The following AATF variants were observed in gnomAD, a reference collection of about 807,000 sequenced individuals.
AATF encodes apoptosis antagonizing transcription factor, also known as protein AATF.
In AATF, 48 loss-of-function variants were observed where a neutral mutation model predicts 63.7. The ratio of observed to expected loss-of-function variants is 0.75; its 90% CI spans 0.60 to 0.96. The LOEUF (loss-of-function observed/expected upper bound fraction) is 0.96, where lower values mean the gene tolerates loss of function less well. Ranked by LOEUF, AATF falls within the 40% of genes least tolerant of loss-of-function variation. AATF has a pLI of 0.00. For synonymous variants in AATF, 258 were observed against 247.7 expected, an observed-to-expected ratio of 1.04 and a Z score of -0.39; for missense variants, 639 against 685.7, an observed-to-expected ratio of 0.93 and a Z score of 0.76.
intron 4 of AATF, among the ~76,000 whole-genome samples, chr17:36,962,273 T>C (rs1402877732): frequency 6.6e-6 from 1 of 152,252 alleles, no homozygotes; most frequent in African/African-American, 2.4e-5. Flanking sequence ...CCTTTTGAGC[T>C]ACTACTTTGT....
intron 11 of AATF, among the ~76,000 whole-genome samples, chr17:37,042,279 C>T (rs917904396): frequency 8.6e-5 from 13 of 151,818 alleles, no homozygotes; most frequent in Admixed American, 6.6e-5. Flanking sequence ...CAATTATTCA[C>T]CTATATTTTA....
chr17:36,973,102 C>T (rs1022614989), intron 4 of AATF, among the ~76,000 whole-genome samples: 1 of 150,272 alleles, frequency 6.7e-6, no homozygotes, highest in South Asian at 2.1e-4. Flanking sequence ...GCAGTTAATC[C>T]TGCTTTTTCT....
chr17:37,038,609 T>C (rs1017411151), intron 11 of AATF, among the ~76,000 whole-genome samples: 7 of 152,210 alleles, frequency 4.6e-5, no homozygotes, highest in African/African-American at 1.7e-4. Context: ...TGAATTTTTC[T>C]AAATAGATTT....
At chr17:36,977,042 A>G (rs2071085074) in intron 4 of AATF, among the ~76,000 whole-genome samples, 1 of 152,236 alleles carries the variant, frequency 6.6e-6, no homozygotes, top group Non-Finnish European at 1.5e-5. Flanking sequence ...CTTGCTTAAC[A>G]AAAGGTCAGT....
intron 4 of AATF, among the ~76,000 whole-genome samples, chr17:36,973,549 T>C (rs557223206): frequency 6.6e-6 from 1 of 152,338 alleles, no homozygotes; most frequent in South Asian, 2.1e-4. Flanking sequence ...GAATTTGTTA[T>C]AGAACAGAAG....
intron 4 of AATF, among the ~76,000 whole-genome samples, chr17:36,979,684 T>C (rs1384022694): frequency 6.6e-6 from 1 of 152,204 alleles, no homozygotes; most frequent in Non-Finnish European, 1.5e-5. Flanking sequence ...TAAAAACTGA[T>C]AAGCTTTATT....
chr17:36,962,427 A>G (rs1249240465), intron 4 of AATF, among the ~76,000 whole-genome samples: 1 of 152,194 alleles, frequency 6.6e-6, no homozygotes, highest in East Asian at 1.9e-4. Context: ...CTAAGAGTAT[A>G]AGCCCTAAAT....
chr17:37,028,160 C>A (rs1403606997), intron 10 of AATF, among the ~76,000 whole-genome samples: 1 of 152,044 alleles, frequency 6.6e-6, no homozygotes, highest in Non-Finnish European at 1.5e-5. Context: ...GCTTGTAATT[C>A]CAGCACTTTG....
At chr17:37,043,204 T>G (rs1279518100) in intron 11 of AATF, 1 of 152,312 alleles carries the variant, frequency 6.6e-6, no homozygotes, top group Non-Finnish European at 1.5e-5. Context: ...AGCCTGCCAG[T>G]CAAGGCCATC....
At chr17:36,980,188 C>T (rs546203294) in intron 4 of AATF, 4 of 152,260 alleles carry the variant, frequency 2.6e-5, no homozygotes, top group African/African-American at 9.6e-5. Flanking sequence ...TTGGTCCATT[C>T]AGCATAACAT....
intron 11 of AATF, among the ~76,000 whole-genome samples, chr17:37,046,497 G>A (rs963746957): frequency 6.6e-6 from 1 of 152,268 alleles, no homozygotes; most frequent in Non-Finnish European, 1.5e-5. Flanking sequence ...CGGTTCCTCT[G>A]TGTCCCCTGA....
chr17:37,031,365 G>C (rs1300567567), intron 10 of AATF: 5 of 534,722 alleles, frequency 9.4e-6, no homozygotes, highest in Non-Finnish European at 1.7e-5. Flanking sequence ...TTTTATATAA[G>C]GAACTTGAGC....
chr17:37,031,666 A>G lies in AATF; in HGVS notation c.1600A>G (p.Thr534Ala), dbSNP rs372937668. 11 of 1,614,084 alleles carry G rather than the reference A, an allele frequency of 6.8e-6. No homozygotes were observed. In the African/African-American group the frequency reaches 1.5e-4, roughly 22 times the overall value. ...TTTCATGGCACCTATTGACCATACTACAATGAATGATGATGCCAGGTGAGT... is the reference window on the plus strand; with the variant it reads ...TTTCATGGCACCTATTGACCATACTGCAATGAATGATGATGCCAGGTGAGT... Reference protein sequence around the residue: ...LSFMAPIDHTTMNDDARTELY... With the variant: ...LSFMAPIDHTAMNDDARTELY... The change falls in exon 11 of 12, where the codon ACA becomes GCA. Residue 534 changes from threonine to alanine, a missense_variant. Transcript: ENST00000619387.
chr17:36,987,734 A>G (rs1477422301), intron 5 of AATF, among the ~76,000 whole-genome samples: 1 of 152,224 alleles, frequency 6.6e-6, no homozygotes, highest in African/African-American at 2.4e-5. Context: ...ATTGTTGCCT[A>G]CCGCTTTGAG....
At chr17:37,010,778 C>G (rs547720844) in intron 8 of AATF, among the ~76,000 whole-genome samples, 2 of 152,126 alleles carry the variant, frequency 1.3e-5, no homozygotes, top group Non-Finnish European at 2.9e-5. Flanking sequence ...GAAGCCTGTT[C>G]CCGCAGTGCA....
intron 4 of AATF, among the ~76,000 whole-genome samples, chr17:36,983,597 G>A (rs755751318): frequency 4.6e-5 from 7 of 150,678 alleles, no homozygotes; most frequent in African/African-American, 1.5e-4. Flanking sequence ...GTGATTTGCC[G>A]ACCTCGTCCT....
rs567979284 is a variant in AATF, at chr17:36,989,017, G to A, written c.1150-230G>A. On this transcript the variant is annotated intron_variant, in intron 6 of 11. Coordinates refer to ENST00000619387, the MANE Select transcript of AATF (RefSeq NM_012138.4). ...GGATTTCAAAGCAATAATTATTAAAGTATCAGAAGCTAATCTCCGTGTGTA... is the reference window on the plus strand; with the variant it reads ...GGATTTCAAAGCAATAATTATTAAAATATCAGAAGCTAATCTCCGTGTGTA... Among the ~76,000 whole-genome samples the A allele has an allele frequency of 7.2e-5, 11 of 152,152 alleles. No individual in the cohort carries two copies. The South Asian group carries it at 2.3e-3, about 32-fold the overall frequency.
chr17:37,039,522 C>G (rs1473952383), intron 11 of AATF, among the ~76,000 whole-genome samples: 1 of 152,186 alleles, frequency 6.6e-6, no homozygotes, highest in Non-Finnish European at 1.5e-5. Flanking sequence ...AAGAGGATTA[C>G]AGCTTTGCAT....
At chr17:37,048,083 TTTG>T (rs1197812835) in intron 11 of AATF, among the ~76,000 whole-genome samples, 4 of 152,068 alleles carry the variant, frequency 2.6e-5, no homozygotes, top group Admixed American at 1.3e-4. Flanking sequence ...TATGGGGGTT[TTTG>T]TTGTTGTTCA....
Sources: allele counts gnomAD v4.1 joint callset (sites outside exome capture counted in the v4.1 genomes callset), GRCh38; gene constraint gnomAD v4.1.1; transcripts MANE v1.5; gene names NCBI Gene and HGNC (gene_info 2026-07-23, HGNC 2026-07-21).